Variants in TRPS1 observed in about 807,000 individuals in gnomAD.
TRPS1 encodes zinc finger transcription factor Trps1.
TRPS1 carries 6 observed loss-of-function variants against 101.2 expected under a neutral mutation model. The ratio of observed to expected loss-of-function variants is 0.06; its 90% CI spans 0.03 to 0.12. The LOEUF is 0.12. Among genes scored for constraint, TRPS1 ranks in the 10% least tolerant of loss-of-function variants. The pLI is 1.00. For synonymous variants in TRPS1, 578 were observed against 589.8 expected (o/e 0.98, Z 0.29); for missense variants, 1,363 against 1,567.0 (o/e 0.87, Z 2.20).
chr8:115,525,821 G>A (rs1341963776), intron 5 of TRPS1, among the ~76,000 whole-genome samples: 1 of 152,168 alleles, frequency 6.6e-6, no homozygotes, highest in African/African-American at 2.4e-5. Context: ...ATTTCTAAGA[G>A]CACTGAAATG....
intron 1 of TRPS1, among the ~76,000 whole-genome samples, chr8:115,655,731 A>G (rs991477996): frequency 3.3e-5 from 5 of 152,182 alleles, no homozygotes; most frequent in African/African-American, 1.2e-4. Flanking sequence ...GAGCTACTGA[A>G]CTTTTCATAA....
At chr8:115,667,078 A>G (rs1811939520) in intron 1 of TRPS1, among the ~76,000 whole-genome samples, 1 of 152,244 alleles carries the variant, frequency 6.6e-6, no homozygotes. Context: ...TGGCTTACTC[A>G]AAAAACTTTC....
intron 5 of TRPS1, among the ~76,000 whole-genome samples, chr8:115,452,971 G>A (rs189757138): frequency 6.6e-6 from 1 of 152,122 alleles, no homozygotes; most frequent in Non-Finnish European, 1.5e-5. Context: ...AAAGCTCAGT[G>A]AGCATTTGTG....
At chr8:115,454,688 G>T (rs1253633483) in intron 5 of TRPS1, among the ~76,000 whole-genome samples, 1 of 152,036 alleles carries the variant, frequency 6.6e-6, no homozygotes, top group African/African-American at 2.4e-5. Flanking sequence ...GAAATTCATA[G>T]AATTATTTTG....
intron 6 of TRPS1, among the ~76,000 whole-genome samples, chr8:115,416,659 A>AAG: frequency 6.6e-6 from 1 of 151,570 alleles, no homozygotes; most frequent in Non-Finnish European, 1.5e-5. Flanking sequence ...AATGAAAGGG[A>AAG]GTACCTCTTG....
chr8:115,598,777 C>T lies in TRPS1; in HGVS notation c.2096+5096G>A, dbSNP rs117570881. Among the ~76,000 whole-genome samples the T allele has an allele frequency of 3.2e-3, 484 of 152,288 alleles. 3 individuals carry two copies. The highest frequency in any genetic ancestry group is 4.2e-3 in the Non-Finnish European group (287 of 68,024). On this transcript the variant is annotated intron_variant, in intron 4 of 6. Coordinates refer to ENST00000395715, the MANE Select transcript of TRPS1 (RefSeq NM_014112.5). ...GACTATTTGATGTTTTTTCCAAACT[C>T]TGAATAATATTCCTCCTTCCTCCAG...
intron 5 of TRPS1, among the ~76,000 whole-genome samples, chr8:115,468,610 A>T (rs1415156718): frequency 1.3e-5 from 2 of 152,188 alleles, no homozygotes; most frequent in African/African-American, 4.8e-5. Context: ...GACTTTGAAA[A>T]AAGTTTTATA....
At chr8:115,642,648 C>G (rs1240442588) in intron 1 of TRPS1, among the ~76,000 whole-genome samples, 1 of 151,816 alleles carries the variant, frequency 6.6e-6, no homozygotes, top group East Asian at 1.9e-4. Flanking sequence ...GACACCTTTT[C>G]TATCAAAAAA....
intron 1 of TRPS1, among the ~76,000 whole-genome samples, chr8:115,658,520 G>GA (rs34841085): frequency 0.035 from 5,387 of 152,084 alleles, 218 homozygotes; most frequent in African/African-American, 0.096. Flanking sequence ...CTGAAAATGG[G>GA]AAAAATTAAA....
intron 5 of TRPS1, among the ~76,000 whole-genome samples, chr8:115,532,317 T>C (rs1196511072): frequency 6.6e-6 from 1 of 152,058 alleles, no homozygotes; most frequent in African/African-American, 2.4e-5. Context: ...ATGAAAACTG[T>C]AAGTCAGAGA....
intron 5 of TRPS1, among the ~76,000 whole-genome samples, chr8:115,582,984 A>G (rs1443257985): frequency 6.6e-6 from 1 of 152,166 alleles, no homozygotes; most frequent in Non-Finnish European, 1.5e-5. Context: ...AGCTCCCCCT[A>G]AAGACTCACC....
chr8:115,479,196 A>G (rs1048285530), intron 5 of TRPS1, among the ~76,000 whole-genome samples: 1 of 152,166 alleles, frequency 6.6e-6, no homozygotes, highest in Admixed American at 6.5e-5. Context: ...AACAATTGTC[A>G]GTTAAACAAA....
chr8:115,442,011 G>GT (rs1813612039), intron 5 of TRPS1, among the ~76,000 whole-genome samples: 1 of 151,462 alleles, frequency 6.6e-6, no homozygotes, highest in Admixed American at 6.6e-5. Flanking sequence ...TAACTTTATA[G>GT]TTTTTTATTA....
chr8:115,437,105 C>T (rs1813475302), intron 5 of TRPS1, among the ~76,000 whole-genome samples: 1 of 151,860 alleles, frequency 6.6e-6, no homozygotes, highest in South Asian at 2.1e-4. Context: ...TTGAATAATC[C>T]TTGAAAGAGT....
At chr8:115,526,570 A>C (rs1816004557) in intron 5 of TRPS1, among the ~76,000 whole-genome samples, 1 of 152,208 alleles carries the variant, frequency 6.6e-6, no homozygotes, top group Non-Finnish European at 1.5e-5. Flanking sequence ...CAATTCTGAA[A>C]GCAAGAGAGA....
chr8:115,602,148 CGTGTGTGTGT>C (rs111443409), intron 4 of TRPS1, among the ~76,000 whole-genome samples: 2 of 150,874 alleles, frequency 1.3e-5, no homozygotes, highest in South Asian at 4.2e-4. Flanking sequence ...AGTGCGTGTG[CGTGTGTGTGT>C]GTGTGCGCAC....
intron 5 of TRPS1, among the ~76,000 whole-genome samples, chr8:115,444,274 G>T (rs1813677122): frequency 6.6e-6 from 1 of 151,532 alleles, no homozygotes; most frequent in Non-Finnish European, 1.5e-5. Context: ...ATCATGTCTG[G>T]TGTCCAACAT....
intron 5 of TRPS1, among the ~76,000 whole-genome samples, chr8:115,582,022 T>C (rs924101025): frequency 6.6e-6 from 1 of 152,156 alleles, no homozygotes; most frequent in Admixed American, 6.5e-5. Context: ...CAACAGGGCC[T>C]AAAGTCATGG....
At chr8:115,590,251 C>T (rs1025568190) in intron 4 of TRPS1, among the ~76,000 whole-genome samples, 2 of 152,156 alleles carry the variant, frequency 1.3e-5, no homozygotes, top group East Asian at 1.9e-4. Context: ...GAAATTAAAA[C>T]AGCAACAACA....
Sources: allele counts gnomAD v4.1 joint callset (sites outside exome capture counted in the v4.1 genomes callset), GRCh38; gene constraint gnomAD v4.1.1; transcripts MANE v1.5; gene names NCBI Gene and HGNC (gene_info 2026-07-23, HGNC 2026-07-21).